Variants in PSD3 observed in about 807,000 individuals in gnomAD.
PSD3 encodes the protein pleckstrin and Sec7 domain containing 3, also known as PH and SEC7 domain-containing protein 3.
A neutral mutation model predicts 105.5 loss-of-function variants in PSD3; 49 were observed. The observed-to-expected ratio is 0.46, with a 90% CI of 0.37 to 0.59. PSD3 has a LOEUF of 0.59. Ranked by LOEUF, PSD3 falls within the 20% of genes least tolerant of loss-of-function variation. The pLI, the probability that PSD3 is intolerant of heterozygous loss-of-function variation, is 0.00. For synonymous variants in PSD3, 557 were observed against 457.8 expected, an observed-to-expected ratio of 1.22 and a Z score of -2.77; for missense variants, 1,561 against 1,263.8, an observed-to-expected ratio of 1.24 and a Z score of -3.57.
At chr8:18,886,601 T>TA in intron 2 of PSD3, among the ~76,000 whole-genome samples, 1 of 152,208 alleles carries the variant, frequency 6.6e-6, no homozygotes, top group Non-Finnish European at 1.5e-5. Flanking sequence ...AAATAGAGGT[T>TA]ACTCACAGAG....
Position 18,684,013 on chromosome 8 carries a change from A to G in PSD3, c.2173-28328T>C, listed in dbSNP as rs148350609. 1.1e-5 allele frequency: 8 copies of G among 695,802 alleles called. No individual in the cohort carries two copies. In the Admixed American group the frequency reaches 1.5e-4, roughly 13 times the overall value. The allele number at this position is 695,802 out of a possible 1,614,324, so 43.1% of individuals were successfully genotyped here. ...GTTCCAAGGCTCTCACGCTGGAGGA[A>G]CTCTGCGGGGTTGTGCCTGAGCAGC... On this transcript the variant is annotated intron_variant, in intron 9 of 15. Coordinates refer to ENST00000327040, the MANE Select transcript of PSD3 (RefSeq NM_015310.4).
At position 18,594,178 on chromosome 8, in the gene PSD3, A is replaced by G. The variant is rs568265650; in HGVS notation, c.2481+6186T>C. On this transcript the variant is annotated intron_variant, in intron 12 of 15. Coordinates refer to ENST00000327040, the MANE Select transcript of PSD3 (RefSeq NM_015310.4). ...TATATTATTATATACATATTATATAATATATATTATTATATACATATTATA... is the reference window on the plus strand; with the variant it reads ...TATATTATTATATACATATTATATAGTATATATTATTATATACATATTATA... Among the ~76,000 whole-genome samples, 54 of 33,652 alleles carry G rather than the reference A, an allele frequency of 1.6e-3. 4 individuals are homozygous for G. The Admixed American group carries it at 0.023, about 14-fold the overall frequency. 22.1% of individuals were successfully genotyped at this position (33,652 alleles called of 152,430 possible). A position where few individuals can be genotyped will look rare whatever the true frequency, so the allele number is the denominator to read the frequency against.
intron 15 of PSD3, among the ~76,000 whole-genome samples, chr8:18,538,557 G>C (rs564057639): frequency 1.4e-4 from 21 of 152,302 alleles, no homozygotes; most frequent in Non-Finnish European, 3.1e-4. Context: ...CTAAAGGTAA[G>C]TTTAAAAATA....
At chr8:18,748,341 G>A (rs907733031) in intron 9 of PSD3, among the ~76,000 whole-genome samples, 1 of 152,086 alleles carries the variant, frequency 6.6e-6, no homozygotes, top group Non-Finnish European at 1.5e-5. Context: ...GAAAAGGAAG[G>A]GAAGTGGTAG....
chr8:18,536,096 C>T (rs1196817477), intron 15 of PSD3, 138 bp from the exon 16 acceptor site: 2 of 775,612 alleles, frequency 2.6e-6, no homozygotes, highest in Non-Finnish European at 4.2e-6. Context: ...TGACAAATTA[C>T]TTGGGCACTT....
chr8:18,776,396 G>C (rs935865539), intron 8 of PSD3, among the ~76,000 whole-genome samples: 4 of 123,694 alleles, frequency 3.2e-5, no homozygotes, highest in Non-Finnish European at 7.0e-5. Context: ...TTTTTTTTTT[G>C]TTTTTGAGAC....
At chr8:18,609,726 T>C (rs1160099934) in intron 11 of PSD3, among the ~76,000 whole-genome samples, 1 of 152,364 alleles carries the variant, frequency 6.6e-6, no homozygotes, top group African/African-American at 2.4e-5. Flanking sequence ...GCAAAGAATT[T>C]AAATAAGTTC....
chr8:18,761,822 G>A (rs1280052923), intron 9 of PSD3, among the ~76,000 whole-genome samples: 3 of 152,322 alleles, frequency 2.0e-5, no homozygotes, highest in East Asian at 3.9e-4. Context: ...GGTGGAGCCA[G>A]TAGAAACATG....
At chr8:18,567,020 T>C (rs984767651) in intron 14 of PSD3, among the ~76,000 whole-genome samples, 3 of 152,288 alleles carry the variant, frequency 2.0e-5, no homozygotes, top group South Asian at 2.1e-4. Context: ...AAGCAGTACA[T>C]TTTTTAAAGT....
intron 12 of PSD3, among the ~76,000 whole-genome samples, chr8:18,590,628 T>C (rs186283904): frequency 3.9e-5 from 6 of 152,040 alleles, no homozygotes; most frequent in Non-Finnish European, 8.8e-5. Context: ...CTAGGAATCT[T>C]AAGAAAATAA....
chr8:18,992,873 C>G (rs1347495290), intron 1 of PSD3, among the ~76,000 whole-genome samples: 1 of 150,496 alleles, frequency 6.6e-6, no homozygotes, highest in Non-Finnish European at 1.5e-5. Context: ...TCCGTCTGAG[C>G]TCTGATATTG....
At chr8:18,737,756 T>C (rs55782061) in intron 9 of PSD3, among the ~76,000 whole-genome samples, 9,425 of 152,250 alleles carry the variant, frequency 0.062, 922 homozygotes, top group African/African-American at 0.21. Context: ...CTATTATCAC[T>C]TTCTAACTTT....
chr8:18,867,776 C>T lies in PSD3; in HGVS notation c.1532G>A (p.Gly511Asp). 2 of 1,614,126 alleles carry T rather than the reference C, an allele frequency of 1.2e-6. No individual in the cohort carries two copies. Among genetic ancestry groups the T allele is most frequent in the Non-Finnish European group, 1.7e-6 (2 of 1,180,014 alleles). The stretch of plus-strand genomic sequence containing the variant: ...ACTAGAATAGCCCATCACGATGCCA[C>T]CATCTGCAGACACACTCAGGATATC... ...HQDILSVSAD[G>D]GIVMGYSSGV... The change falls in exon 4 of 16, where the codon GGT becomes GAT. Residue 511 changes from glycine (G) to aspartate (D), a missense_variant. Coordinates refer to ENST00000327040, the MANE Select transcript of PSD3 (RefSeq NM_015310.4).
intron 1 of PSD3, among the ~76,000 whole-genome samples, chr8:18,949,263 ATATATATATATATATT>A (rs1332772230): frequency 5.4e-5 from 6 of 111,244 alleles, no homozygotes; most frequent in Admixed American, 9.6e-5. Context: ...ATATATATAT[ATATATATATATATATT>A]TATAGTTTTC....
At chr8:18,700,717 A>C (rs1209422673) in intron 9 of PSD3, among the ~76,000 whole-genome samples, 1 of 152,072 alleles carries the variant, frequency 6.6e-6, no homozygotes, top group Non-Finnish European at 1.5e-5. Flanking sequence ...CTTTTTTTTC[A>C]GTCTTTTTCT....
chr8:18,704,351 T>A (rs954864282), intron 9 of PSD3, among the ~76,000 whole-genome samples: 4 of 152,160 alleles, frequency 2.6e-5, no homozygotes, highest in African/African-American at 9.7e-5. Context: ...TAAGAGAACC[T>A]TTTTTTGTGA....
Position 18,936,074 on chromosome 8 carries a change from T to G in PSD3, c.90A>C (p.Glu30Asp). The G allele has an allele frequency of 6.2e-7, 1 of 1,613,480 alleles. No individual in the cohort carries two copies. ...HSQSVAKAKY[E>D]FLFGRSEGKA... Reference sequence around the variant, plus strand: ...TCCCTTCAGATCTGCCAAATAAAAATTCATATTTGGCCTTGGCAACACTCT... The same window carrying G: ...TCCCTTCAGATCTGCCAAATAAAAAGTCATATTTGGCCTTGGCAACACTCT... The change falls in exon 2 of 16, where the codon GAA (glutamate) becomes GAC (aspartate). Residue 30 changes from glutamate to aspartate, a missense_variant. Coordinates refer to ENST00000327040, the MANE Select transcript of PSD3 (RefSeq NM_015310.4).
rs1344219010 is a variant in PSD3 at position 18,530,832 on chromosome 8, A to G, written c.*4911T>C. 1.3e-5 allele frequency: 2 copies of G among 152,182 alleles called. No individual in the cohort carries two copies. Among genetic ancestry groups the G allele is most frequent in the East Asian group, 3.9e-4 (2 of 5,188 alleles). The allele number at this position is 152,182 out of a possible 1,614,324, so 9.4% of individuals were successfully genotyped here. ...TGATTCAAAGCTCAAAGAATTTTCT[A>G]GCATAAAGTCTTATTAAAAATTTTA... On this transcript the variant is annotated 3_prime_UTR_variant, in exon 16 of 16. Transcript: ENST00000327040.
chr8:18,742,460 G>C (rs909117954), intron 9 of PSD3, among the ~76,000 whole-genome samples: 1 of 152,042 alleles, frequency 6.6e-6, no homozygotes, highest in African/African-American at 2.4e-5. Flanking sequence ...CTTTATAATC[G>C]TGAAACAAAC....
Sources: allele counts gnomAD v4.1 joint callset (sites outside exome capture counted in the v4.1 genomes callset), GRCh38; gene constraint gnomAD v4.1.1; transcripts MANE v1.5; gene names NCBI Gene and HGNC (gene_info 2026-07-23, HGNC 2026-07-21).